Variants in CLRN1 observed in about 807,000 individuals in gnomAD.
The protein encoded by CLRN1 is clarin 1, also known as clarin-1.
A neutral mutation model predicts 18.7 loss-of-function variants in CLRN1; 15 were observed. The observed-to-expected ratio is 0.80, with a 90% CI of 0.54 to 1.23. The LOEUF is 1.23. Among genes scored for constraint, CLRN1 ranks in the 50% most tolerant of loss-of-function variants. CLRN1 has a pLI of 0.00. For missense variants in CLRN1, 311 were observed against 277.5 expected, an observed-to-expected ratio of 1.12 and a Z score of -0.86; for synonymous variants, 104 against 102.9, an observed-to-expected ratio of 1.01 and a Z score of -0.07.
At position 150,928,011 on chromosome 3, in the gene CLRN1, A is replaced by G. The variant is rs369793154; in HGVS notation, c.624T>C (p.Leu208=). 4 of 1,614,076 alleles carry G rather than the reference A, an allele frequency of 2.5e-6. No homozygotes were observed. The highest frequency in any genetic ancestry group is 3.4e-6 in the Non-Finnish European group (4 of 1,180,046). ...VHFLNGLLIR[L]AGFQFPFAKS... The stretch of plus-strand genomic sequence containing the variant: ...TTGCAAAAGGGAACTGAAATCCAGC[A>G]AGTCGTATTAGGAGCCCATTCAGAA... The change falls in exon 3 of 3, where the codon CTT becomes CTC. Residue 208 remains leucine, a synonymous_variant. Coordinates refer to ENST00000327047, the MANE Select transcript of CLRN1 (RefSeq NM_174878.3).
intron 2 of CLRN1, among the ~76,000 whole-genome samples, chr3:150,933,410 A>G (rs1023690841): frequency 2.6e-5 from 4 of 152,202 alleles, no homozygotes; most frequent in East Asian, 1.9e-4. Context: ...GGGAGGCCTC[A>G]TAGGGAATAT....
intron 1 of CLRN1, among the ~76,000 whole-genome samples, chr3:150,954,240 A>T (rs1172211888): frequency 6.6e-6 from 1 of 152,138 alleles, no homozygotes; most frequent in African/African-American, 2.4e-5. Flanking sequence ...TGTACCATTC[A>T]CCTTCCCACT....
rs1713097759 is a variant in CLRN1 at position 150,930,852 on chromosome 3, G to A, written c.434-2651C>T. Among the ~76,000 whole-genome samples the A allele has an allele frequency of 2.0e-5, 3 of 152,194 alleles. No homozygotes were observed. The South Asian group carries it at 6.2e-4, about 31-fold the overall frequency. ...GTTAAGGAGACAGCATTACAGCAAG[G>A]CTGTATTTCAAATTCCTAAAGTAAA... On this transcript the variant is annotated intron_variant, in intron 2 of 2. Transcript: ENST00000327047.
chr3:150,941,826 T>A, intron 1 of CLRN1, 65 bp from the exon 2 acceptor site: 2 of 1,401,192 alleles, frequency 1.4e-6, no homozygotes, highest in Non-Finnish European at 2.0e-6. Context: ...AGTATAATTT[T>A]AAAAATCAAA....
intron 2 of CLRN1, among the ~76,000 whole-genome samples, chr3:150,931,661 A>G (rs1223135466): frequency 1.3e-5 from 2 of 152,142 alleles, no homozygotes; most frequent in Non-Finnish European, 2.9e-5. Flanking sequence ...GAGGCTCTTT[A>G]CTGTGTGCAG....
chr3:150,972,810 G>C, upstream of CLRN1: 1 of 1,540,048 alleles, frequency 6.5e-7, no homozygotes, highest in Non-Finnish European at 8.9e-7. Context: ...GAAGCTGAAC[G>C]GACAGCTCCC....
intron 1 of CLRN1, among the ~76,000 whole-genome samples, chr3:150,971,735 T>C (rs1352892181): frequency 2.6e-5 from 4 of 152,246 alleles, no homozygotes; most frequent in Admixed American, 1.3e-4. Context: ...CCTATTCACA[T>C]GGTAATTTTT....
At chr3:150,949,864 A>G (rs1714394201) in intron 1 of CLRN1, among the ~76,000 whole-genome samples, 1 of 152,202 alleles carries the variant, frequency 6.6e-6, no homozygotes, top group African/African-American at 2.4e-5. Context: ...GGTAATTCTA[A>G]GCAAAAAGAA....
In CLRN1 at chr3:150,972,443, A is replaced by AT. The variant is rs1374099886; in HGVS notation, c.253+12_253+13insA. 4.3e-6 allele frequency: 7 copies of AT among 1,614,044 alleles called. No individual in the cohort carries two copies. The highest frequency in any genetic ancestry group is 5.9e-6 in the Non-Finnish European group (7 of 1,180,028). On this transcript the variant is annotated intron_variant, in intron 1 of 2. Coordinates refer to ENST00000327047, the MANE Select transcript of CLRN1 (RefSeq NM_174878.3). ...CTAAAGCATTAAATAACTCAAATGCAATTGCTACTTACATGAGAACCGAAA... is the reference window on the plus strand; with the variant it reads ...CTAAAGCATTAAATAACTCAAATGCATATTGCTACTTACATGAGAACCGAAA...
At chr3:150,942,623 C>T (rs1346672015) in intron 1 of CLRN1, 1 of 455,050 alleles carries the variant, frequency 2.2e-6, no homozygotes, top group Admixed American at 2.4e-5. Flanking sequence ...TTCCTGTTGT[C>T]TCACAGAGCT....
intron 1 of CLRN1, among the ~76,000 whole-genome samples, chr3:150,958,965 G>T (rs1714890746): frequency 6.6e-6 from 1 of 152,186 alleles, no homozygotes; most frequent in Non-Finnish European, 1.5e-5. Flanking sequence ...CCAGATGGTG[G>T]CAGTATCCTG....
chr3:150,927,846 T>G lies in CLRN1; in HGVS notation c.*90A>C. 1 of 1,449,758 alleles carries G rather than the reference T, an allele frequency of 6.9e-7. No homozygotes were observed. The highest frequency in any genetic ancestry group is 9.7e-7 in the Non-Finnish European group (1 of 1,033,742). 89.8% of individuals were successfully genotyped at this position (1,449,758 alleles called of 1,614,324 possible). On this transcript the variant is annotated 3_prime_UTR_variant, in exon 3 of 3. Coordinates refer to ENST00000327047, the MANE Select transcript of CLRN1 (RefSeq NM_174878.3). Reference sequence around the variant, plus strand: ...CGAAGGGTCCTGATGCTTTAATATATGCAGACTAAAAGGATATGCAAAATT... The same window carrying G: ...CGAAGGGTCCTGATGCTTTAATATAGGCAGACTAAAAGGATATGCAAAATT...
chr3:150,953,711 T>C (rs1223172576), intron 1 of CLRN1, among the ~76,000 whole-genome samples: 1 of 152,036 alleles, frequency 6.6e-6, no homozygotes, highest in African/African-American at 2.4e-5. Flanking sequence ...AGAGACAGGG[T>C]TTCACCATGT....
At chr3:150,942,491 A>G (rs1713914724) in intron 1 of CLRN1, 11 of 343,128 alleles carry the variant, frequency 3.2e-5, no homozygotes, top group South Asian at 2.3e-4. Flanking sequence ...GGGAAGTTTA[A>G]TTCTGTTCAT....
intron 2 of CLRN1, chr3:150,940,432 G>T (rs1383026635): frequency 7.3e-6 from 11 of 1,500,086 alleles, no homozygotes. Flanking sequence ...TTTGTGGTTG[G>T]GGTTGAATTG....
At chr3:150,972,416 G>A in intron 1 of CLRN1, 40 bp downstream of exon 1, 1 of 1,613,860 alleles carries the variant, frequency 6.2e-7, no homozygotes, top group Non-Finnish European at 8.5e-7. Context: ...GGAAGAGTCT[G>A]CCTAAAGCAT....
chr3:150,935,686 T>C (rs976217064), intron 2 of CLRN1, among the ~76,000 whole-genome samples: 15 of 151,562 alleles, frequency 9.9e-5, no homozygotes, highest in African/African-American at 3.6e-4. Context: ...GGTCAAATGG[T>C]ATTTCTAGTT....
rs1181675740 is a variant in CLRN1 at position 150,927,885 on chromosome 3, A to G, written c.*51T>C. The G allele has an allele frequency of 9.9e-6, 16 of 1,609,542 alleles. No homozygotes were observed. The highest frequency in any genetic ancestry group is 1.3e-5 in the African/African-American group (1 of 74,832). ...ATATGCAAAATTAACCACATCTAAAAGTGACCAAAGCAAGTCTACTCCCTT... is the reference window on the plus strand; with the variant it reads ...ATATGCAAAATTAACCACATCTAAAGGTGACCAAAGCAAGTCTACTCCCTT... On this transcript the variant is annotated 3_prime_UTR_variant, in exon 3 of 3. Transcript: ENST00000327047.
At chr3:150,943,293 C>G (rs548504331) in intron 1 of CLRN1, among the ~76,000 whole-genome samples, 5 of 152,290 alleles carry the variant, frequency 3.3e-5, no homozygotes, top group Middle Eastern at 3.4e-3. Flanking sequence ...CCAATTGGTT[C>G]TTTATGAATA....
Sources: gnomAD v4.1 joint callset for allele counts (sites outside exome capture counted in the v4.1 genomes callset) on GRCh38, gnomAD v4.1.1 for gene constraint, MANE v1.5 for transcripts, NCBI Gene and HGNC (gene_info 2026-07-23, HGNC 2026-07-21) for gene names.